Variants in IMMP2L observed in about 807,000 individuals in gnomAD.
IMMP2L encodes mitochondrial inner membrane protease subunit 2.
In IMMP2L, 18 loss-of-function variants were observed where a neutral mutation model predicts 19.3. The observed-to-expected ratio is 0.93, with a 90% confidence interval of 0.64 to 1.38. The LOEUF is 1.38. Ranked by LOEUF, IMMP2L falls within the 40% of genes most tolerant of loss-of-function variation. The pLI is 0.00. For missense variants in IMMP2L, 233 were observed against 218.2 expected (o/e 1.07, Z -0.43); for synonymous variants, 76 against 73.0 (o/e 1.04, Z -0.21).
intron 3 of IMMP2L, chr7:111,483,730 T>C (rs1386178998): frequency 6.6e-6 from 1 of 152,234 alleles, no homozygotes; most frequent in Non-Finnish European, 1.5e-5. Flanking sequence ...TATGTGTTTC[T>C]GTAACATGAA....
chr7:111,306,294 T>C (rs956871001), intron 3 of IMMP2L, among the ~76,000 whole-genome samples: 2 of 152,134 alleles, frequency 1.3e-5, no homozygotes, highest in African/African-American at 2.4e-5. Context: ...TGAATGCTAA[T>C]GTAAAATGTG....
intron 3 of IMMP2L, among the ~76,000 whole-genome samples, chr7:111,012,306 G>A (rs1266130946): frequency 2.0e-5 from 3 of 151,838 alleles, no homozygotes; most frequent in Non-Finnish European, 1.5e-5. Context: ...TTCCTTTAAG[G>A]AGTTTGAGTA....
chr7:110,847,894 C>T (rs1319806747), intron 5 of IMMP2L, among the ~76,000 whole-genome samples: 3 of 152,028 alleles, frequency 2.0e-5, no homozygotes, highest in Non-Finnish European at 4.4e-5. Flanking sequence ...GACTTTACAC[C>T]CTTTACAAAA....
chr7:110,889,547 T>C (rs1810573920), intron 4 of IMMP2L, among the ~76,000 whole-genome samples: 2 of 152,168 alleles, frequency 1.3e-5, no homozygotes, highest in African/African-American at 4.8e-5. Flanking sequence ...TGGCTGTTAA[T>C]ACAGATGAAG....
chr7:110,879,206 C>T (rs1375924250), intron 5 of IMMP2L, among the ~76,000 whole-genome samples: 2 of 151,974 alleles, frequency 1.3e-5, no homozygotes, highest in African/African-American at 4.8e-5. Context: ...GCCTGGTCAA[C>T]ATGGTGAAAC....
At chr7:111,067,286 TTCTC>T (rs1242908520) in intron 3 of IMMP2L, among the ~76,000 whole-genome samples, 1 of 152,176 alleles carries the variant, frequency 6.6e-6, no homozygotes, top group Admixed American at 6.5e-5. Context: ...TTGGGAACTG[TTCTC>T]TCTAACTTTG....
At chr7:111,264,905 T>C (rs1384489402) in intron 3 of IMMP2L, among the ~76,000 whole-genome samples, 1 of 152,118 alleles carries the variant, frequency 6.6e-6, no homozygotes, top group Non-Finnish European at 1.5e-5. Context: ...GACGCTGATA[T>C]ACTGAATTCC....
intron 4 of IMMP2L, among the ~76,000 whole-genome samples, chr7:110,916,677 G>T (rs2129549645): frequency 6.6e-6 from 1 of 152,286 alleles, no homozygotes; most frequent in Middle Eastern, 3.4e-3. Context: ...AATTGTAAGA[G>T]CAAAAATAAT....
chr7:111,537,109 G>A (rs933895556), intron 1 of IMMP2L, among the ~76,000 whole-genome samples: 22 of 151,974 alleles, frequency 1.4e-4, no homozygotes, highest in African/African-American at 5.3e-4. Context: ...TTTCTATACC[G>A]AAAGAGTAAA....
chr7:110,672,281 C>T (rs944218086), intron 5 of IMMP2L, among the ~76,000 whole-genome samples: 10 of 152,022 alleles, frequency 6.6e-5, no homozygotes, highest in African/African-American at 1.2e-4. Context: ...ATGAGACTCA[C>T]GCACTATCAC....
At chr7:111,116,440 C>A (rs1322863733) in intron 3 of IMMP2L, among the ~76,000 whole-genome samples, 2 of 152,230 alleles carry the variant, frequency 1.3e-5, no homozygotes, top group African/African-American at 4.8e-5. Context: ...TAAAAGACAG[C>A]ATCCATTAAA....
At chr7:111,278,737 C>T (rs1046011747) in intron 3 of IMMP2L, among the ~76,000 whole-genome samples, 7 of 152,092 alleles carry the variant, frequency 4.6e-5, no homozygotes, top group African/African-American at 1.7e-4. Context: ...TTTTCTAGCT[C>T]ATATATATTG....
Position 111,053,170 on chromosome 7 carries a change from G to A in IMMP2L, c.240-89605C>T, listed in dbSNP as rs903423943. On this transcript the variant is annotated intron_variant, in intron 3 of 5. Transcript: ENST00000405709. ...AGGAAGGAAAGTACACTTGGAAGAGGGCCAAGCAAGCAGCTTGAAAGATAT... is the reference window on the plus strand; with the variant it reads ...AGGAAGGAAAGTACACTTGGAAGAGAGCCAAGCAAGCAGCTTGAAAGATAT... Among the ~76,000 whole-genome samples the A allele has an allele frequency of 5.9e-5, 9 of 152,260 alleles. No individual in the cohort carries two copies. The East Asian group carries it at 1.2e-3, about 20-fold the overall frequency.
intron 3 of IMMP2L, among the ~76,000 whole-genome samples, chr7:111,243,210 T>A (rs1016138624): frequency 7.9e-5 from 12 of 152,028 alleles, no homozygotes; most frequent in Non-Finnish European, 1.6e-4. Flanking sequence ...AGATACATAT[T>A]CTGAATGTGA....
chr7:111,301,740 C>G (rs907551264), intron 3 of IMMP2L, among the ~76,000 whole-genome samples: 2 of 151,782 alleles, frequency 1.3e-5, no homozygotes, highest in South Asian at 4.2e-4. Context: ...TATTTGGCTC[C>G]TTTGTCAAAA....
At chr7:111,145,014 T>C (rs1019135997) in intron 3 of IMMP2L, among the ~76,000 whole-genome samples, 1 of 151,986 alleles carries the variant, frequency 6.6e-6, no homozygotes, top group East Asian at 1.9e-4. Context: ...GCTAAATAGG[T>C]GCAAAGAAGG....
rs1031437661 is a variant in IMMP2L, at chr7:110,683,433, A to T, written c.409-19712T>A. Among the ~76,000 whole-genome samples the T allele has an allele frequency of 5.9e-5, 9 of 152,280 alleles. No individual in the cohort carries two copies. The East Asian group carries it at 1.5e-3, about 26-fold the overall frequency. ...AAAACTTTTGTTTAGTGAAACAAAG[A>T]TGCTACCAAAAGTGGCTAATATGTA... On this transcript the variant is annotated intron_variant, in intron 5 of 5. Transcript: ENST00000405709.
intron 3 of IMMP2L, among the ~76,000 whole-genome samples, chr7:111,045,872 A>G (rs964210736): frequency 1.3e-5 from 2 of 152,222 alleles, no homozygotes; most frequent in Non-Finnish European, 2.9e-5. Flanking sequence ...AGTTTGTGTT[A>G]ATTTGCTATA....
At chr7:111,295,337 G>A (rs923906736) in intron 3 of IMMP2L, among the ~76,000 whole-genome samples, 1 of 151,842 alleles carries the variant, frequency 6.6e-6, no homozygotes, top group African/African-American at 2.4e-5. Flanking sequence ...CCAAAAAGGA[G>A]ATAAAAGGGT....
Sources: gnomAD v4.1 joint callset for allele counts (sites outside exome capture counted in the v4.1 genomes callset) on GRCh38, gnomAD v4.1.1 for gene constraint, MANE v1.5 for transcripts, NCBI Gene and HGNC (gene_info 2026-07-23, HGNC 2026-07-21) for gene names.